The following DAPL1 variants were observed in gnomAD, a reference collection of about 807,000 sequenced individuals.
DAPL1 encodes death-associated protein-like 1.
A neutral mutation model predicts 12.9 loss-of-function variants in DAPL1; 17 were observed. That is an observed-to-expected ratio of 1.32 (90% CI 0.90 to 1.98). DAPL1 has a LOEUF of 1.98. Ranked by LOEUF, DAPL1 falls within the 30% of genes most tolerant of loss-of-function variation. DAPL1 has a pLI of 0.00. For synonymous variants in DAPL1, 51 were observed against 42.0 expected (o/e 1.21, Z -0.82); for missense variants, 157 against 125.7 (o/e 1.25, Z -1.19).
intron 1 of DAPL1, among the ~76,000 whole-genome samples, chr2:158,803,031 A>G (rs2059177257): frequency 6.6e-6 from 1 of 152,272 alleles, no homozygotes; most frequent in African/African-American, 2.4e-5. Context: ...AGATGTAAAT[A>G]TAGATTTGGA....
intron 3 of DAPL1, among the ~76,000 whole-genome samples, chr2:158,814,919 G>A (rs1467868050): frequency 6.6e-6 from 1 of 152,144 alleles, no homozygotes; most frequent in Non-Finnish European, 1.5e-5. Context: ...AGGTCACTGT[G>A]TCCAAATTCT....
At chr2:158,803,586 G>A (rs1398087574) in intron 1 of DAPL1, among the ~76,000 whole-genome samples, 3 of 152,168 alleles carry the variant, frequency 2.0e-5, no homozygotes, top group Admixed American at 6.5e-5. Flanking sequence ...TTCAAAAGTT[G>A]ATTTCATCTG....
chr2:158,813,621 T>C (rs1575231468), intron 3 of DAPL1, among the ~76,000 whole-genome samples: 2 of 148,964 alleles, frequency 1.3e-5, no homozygotes, highest in African/African-American at 4.9e-5. Flanking sequence ...AGTGACCCGA[T>C]CTCGGCTCAC....
At chr2:158,815,628 A>C in intron 3 of DAPL1, 77 bp from the exon 4 acceptor site, 3 of 860,148 alleles carry the variant, frequency 3.5e-6, no homozygotes, top group Non-Finnish European at 5.9e-6. Flanking sequence ...GATCAACGAT[A>C]TCACTTTCTA....
chr2:158,810,296 C>A (rs2059223699), intron 3 of DAPL1, among the ~76,000 whole-genome samples: 1 of 152,118 alleles, frequency 6.6e-6, no homozygotes, highest in Non-Finnish European at 1.5e-5. Flanking sequence ...AGAGACCTAA[C>A]AATATACAGC....
At chr2:158,798,615 G>A (rs1476892277) in intron 1 of DAPL1, among the ~76,000 whole-genome samples, 1 of 152,102 alleles carries the variant, frequency 6.6e-6, no homozygotes, top group Non-Finnish European at 1.5e-5. Flanking sequence ...GTGAGATTGA[G>A]GGACTTGCCG....
At chr2:158,815,248 T>C (rs1013510714) in intron 3 of DAPL1, among the ~76,000 whole-genome samples, 14 of 152,228 alleles carry the variant, frequency 9.2e-5, no homozygotes, top group Non-Finnish European at 4.4e-5. Flanking sequence ...ATAGCAAATG[T>C]ACACACTTAG....
In DAPL1 at chr2:158,815,904, C is replaced by T. The variant is rs1279158224; in HGVS notation, c.*83C>T. 19 of 940,878 alleles carry T rather than the reference C, an allele frequency of 2.0e-5. No individual in the cohort carries two copies. The highest frequency in any genetic ancestry group is 8.8e-5 in the Admixed American group (5 of 56,734). 58.3% of individuals were successfully genotyped at this position (940,878 alleles called of 1,614,324 possible). ...AAAAAGGGCCAAAGCTTTCCATAGG[C>T]GTGCTGCACTTGCTTGGTAAATTAA... On this transcript the variant is annotated 3_prime_UTR_variant, in exon 4 of 4. Transcript: ENST00000309950.
In DAPL1 at chr2:158,804,458, T is replaced by C. The variant is rs2059188507; in HGVS notation, c.146+89T>C. 41 of 947,768 alleles carry C rather than the reference T, an allele frequency of 4.3e-5. No homozygotes were observed. In the South Asian group the frequency reaches 6.5e-4, roughly 15 times the overall value. The allele number at this position is 947,768 out of a possible 1,614,324, so 58.7% of individuals were successfully genotyped here. On this transcript the variant is annotated intron_variant, in intron 2 of 3. Transcript: ENST00000309950. ...TATTTTAGGACAAACCAAGGCTCCC[T>C]ATGCCTTTGGAGGCAGCCAGAGAAG... is the stretch of plus-strand genomic sequence containing the variant.
rs140793904 is a variant in DAPL1, at chr2:158,814,982, A to G, written c.208-723A>G. 2.6e-3 allele frequency among the ~76,000 whole-genome samples: 402 copies of G among 152,358 alleles called. 6 individuals are homozygous for G. The highest frequency in any genetic ancestry group is 9.2e-3 in the African/African-American group (382 of 41,578). ...GTCAGCAGCATTGGGCATGCTTTCTATCTTAAGCTATCATTAATGTAAATT... is the reference window on the plus strand; with the variant it reads ...GTCAGCAGCATTGGGCATGCTTTCTGTCTTAAGCTATCATTAATGTAAATT... On this transcript the variant is annotated intron_variant, in intron 3 of 3. Transcript: ENST00000309950.
At chr2:158,815,576 G>C in intron 3 of DAPL1, 129 bp from the exon 4 acceptor site, 4 of 708,134 alleles carry the variant, frequency 5.6e-6, no homozygotes, top group South Asian at 5.2e-5. Flanking sequence ...TGGAAAAAAA[G>C]AGATATTATC....
intron 2 of DAPL1, among the ~76,000 whole-genome samples, chr2:158,806,381 C>T (rs1041602401): frequency 2.0e-5 from 3 of 152,182 alleles, no homozygotes; most frequent in Non-Finnish European, 4.4e-5. Context: ...GTTCATTTTA[C>T]GAAGCACAAA....
chr2:158,802,404 C>A (rs189830351), intron 1 of DAPL1, among the ~76,000 whole-genome samples: 26 of 152,320 alleles, frequency 1.7e-4, no homozygotes, highest in African/African-American at 5.8e-4. Context: ...CTAGTCACAA[C>A]CCCATGATGC....
At chr2:158,814,699 A>T (rs1425979027) in intron 3 of DAPL1, among the ~76,000 whole-genome samples, 2 of 152,212 alleles carry the variant, frequency 1.3e-5, no homozygotes, top group Non-Finnish European at 2.9e-5. Context: ...AGCCCAAACA[A>T]ACCATGAACA....
At chr2:158,802,870 C>A (rs540762454) in intron 1 of DAPL1, among the ~76,000 whole-genome samples, 2 of 152,248 alleles carry the variant, frequency 1.3e-5, no homozygotes, top group East Asian at 3.9e-4. Flanking sequence ...ATATTCATTG[C>A]AGCATTGTTT....
chr2:158,814,338 G>T (rs1325617190), intron 3 of DAPL1, among the ~76,000 whole-genome samples: 1 of 151,926 alleles, frequency 6.6e-6, no homozygotes, highest in Non-Finnish European at 1.5e-5. Context: ...CAACATTTAT[G>T]ATCAATATCT....
At chr2:158,813,348 C>A (rs2105157528) in intron 3 of DAPL1, among the ~76,000 whole-genome samples, 1 of 152,182 alleles carries the variant, frequency 6.6e-6, no homozygotes, top group East Asian at 1.9e-4. Context: ...TATTTAGCAC[C>A]ACTGGACTAA....
At chr2:158,803,870 T>A (rs2059183053) in intron 1 of DAPL1, among the ~76,000 whole-genome samples, 1 of 152,074 alleles carries the variant, frequency 6.6e-6, no homozygotes, top group Admixed American at 6.6e-5. Context: ...GAAAAAAAAA[T>A]GCAAGCCACG....
In DAPL1 at chr2:158,815,740, G is replaced by A. The variant is rs61740878; in HGVS notation, c.243G>A (p.Ala81=). ...NYKFPATVHM[A]HQKPTPALEK... The stretch of plus-strand genomic sequence containing the variant: ...AATTTCCAGCAACAGTGCACATGGC[G>A]CATCAAAAACCCACACCTGCTCTGG... The change falls in exon 4 of 4, where the codon GCG becomes GCA. Residue 81 remains alanine (A), a synonymous_variant. Transcript: ENST00000309950. 0.16 allele frequency: 253,803 copies of A among 1,611,902 alleles called. 21,531 individuals carry two copies. Among genetic ancestry groups the A allele is most frequent in the South Asian group, 0.2 (18,505 of 91,000 alleles).
Sources: allele counts gnomAD v4.1 joint callset (sites outside exome capture counted in the v4.1 genomes callset), GRCh38; gene constraint gnomAD v4.1.1; transcripts MANE v1.5; gene names NCBI Gene and HGNC (gene_info 2026-07-23, HGNC 2026-07-21).